TYRP1: variants seen among roughly 807,000 people sequenced by gnomAD.
The protein encoded by TYRP1 is 5,6-dihydroxyindole-2-carboxylic acid oxidase.
TYRP1 carries 49 observed loss-of-function variants against 42.8 expected under a neutral mutation model. That is an observed-to-expected ratio of 1.14 (90% confidence interval 0.91 to 1.45). The LOEUF is 1.45. Ranked by LOEUF, TYRP1 falls within the 40% of genes most tolerant of loss-of-function variation. The probability of loss-of-function intolerance (pLI) is 0.00; values close to 1 mark genes in which losing one functional copy is unlikely to be tolerated. For synonymous variants in TYRP1, 279 were observed against 235.4 expected (o/e 1.19, Z -1.69); for missense variants, 848 against 662.0 (o/e 1.28, Z -3.08).
chr9:12,703,857 C>T (rs1224507061), intron 5 of TYRP1, among the ~76,000 whole-genome samples: 1 of 149,176 alleles, frequency 6.7e-6, no homozygotes, highest in Non-Finnish European at 1.5e-5. Flanking sequence ...CTTGTTTTCT[C>T]CCTTATATAT....
intron 2 of TYRP1, chr9:12,694,583 T>C: frequency 1.6e-6 from 1 of 643,778 alleles, no homozygotes; most frequent in Middle Eastern, 4.3e-4. Context: ...GAACTTCTGA[T>C]CAATATTTTA....
At chr9:12,699,080 GCAAAC>G (rs1818124765) in intron 4 of TYRP1, among the ~76,000 whole-genome samples, 1 of 152,054 alleles carries the variant, frequency 6.6e-6, no homozygotes, top group South Asian at 2.1e-4. Context: ...AAGAAAAGAA[GCAAAC>G]CAAATGTATG....
chr9:12,706,123 T>TTTTA (rs563245264), intron 6 of TYRP1, among the ~76,000 whole-genome samples: 128 of 152,202 alleles, frequency 8.4e-4, no homozygotes, highest in Non-Finnish European at 1.5e-3. Context: ...ACTAGATTAC[T>TTTTA]TTTATTACAG....
chr9:12,709,031 T>C lies in TYRP1; in HGVS notation c.1463T>C (p.Leu488Ser). The C allele has an allele frequency of 6.2e-7, 1 of 1,612,862 alleles. No homozygotes were observed. The highest frequency in any genetic ancestry group is 1.1e-5 in the South Asian group (1 of 91,062). Residue 488 changes from leucine (L) to serine (S), a missense_variant, in exon 8 of 8, where the codon TTA becomes TCA. Transcript: ENST00000388918. The part of the protein sequence containing the change: ...IIAIAVVGAL[L>S]LVALIFGTAS... The stretch of plus-strand genomic sequence containing the variant: ...GCCATAGCAGTAGTTGGCGCTTTGT[T>C]ACTGGTTGCACTCATTTTTGGGACT...
At chr9:12,700,728 G>A (rs1414517962) in intron 4 of TYRP1, 2 of 152,020 alleles carry the variant, frequency 1.3e-5, no homozygotes, top group Non-Finnish European at 2.9e-5. Context: ...AGAATGTAAT[G>A]TTTTGAAACT....
intron 2 of TYRP1, 50 bp from the exon 3 acceptor site, chr9:12,695,465 C>A: frequency 6.4e-7 from 1 of 1,551,702 alleles, no homozygotes; most frequent in South Asian, 1.1e-5. Flanking sequence ...CTTTCTCTAC[C>A]CATCCCCGCA....
intron 4 of TYRP1, among the ~76,000 whole-genome samples, chr9:12,701,443 T>C (rs966050052): frequency 6.6e-6 from 1 of 151,986 alleles, no homozygotes; most frequent in Non-Finnish European, 1.5e-5. Context: ...CAAAGTTTTT[T>C]TTTGTTACAG....
At chr9:12,707,851 G>A in intron 6 of TYRP1, 146 bp from the exon 7 acceptor site, 2 of 734,868 alleles carry the variant, frequency 2.7e-6, no homozygotes, top group South Asian at 4.2e-5. Context: ...TCCTGCTGTA[G>A]TGAAACTTCA....
rs74941076 is a variant in TYRP1, at chr9:12,709,691, C to G, written c.*509C>G. ...TATAAACCAATGAAATTTTGATTAA[C>G]CTTTTCAAATTAATGTTCCAGTTTG... On this transcript the variant is annotated 3_prime_UTR_variant, in exon 8 of 8. Coordinates refer to ENST00000388918, the MANE Select transcript of TYRP1 (RefSeq NM_000550.3). 1 of 161,144 alleles carries G rather than the reference C, an allele frequency of 6.2e-6. No individual in the cohort carries two copies. The highest frequency in any genetic ancestry group is 1.4e-5 in the Non-Finnish European group (1 of 72,908). 10.0% of individuals were successfully genotyped at this position (161,144 alleles called of 1,614,324 possible).
chr9:12,693,866 T>C, intron 1 of TYRP1, 46 bp from the exon 2 acceptor site: 23 of 1,295,844 alleles, frequency 1.8e-5, no homozygotes, highest in Non-Finnish European at 2.5e-5. Flanking sequence ...CCATTTTAAG[T>C]ACCAAGAAAA....
chr9:12,696,723 T>A (rs936337051), intron 3 of TYRP1, among the ~76,000 whole-genome samples: 3 of 152,184 alleles, frequency 2.0e-5, no homozygotes, highest in African/African-American at 7.2e-5. Context: ...TACCAACTGC[T>A]CTGTTCCTTG....
Position 12,694,207 on chromosome 9 carries a change from G to A in TYRP1, c.211G>A (p.Asp71Asn), listed in dbSNP as rs773711130. 29 of 1,613,794 alleles carry A rather than the reference G, an allele frequency of 1.8e-5. No individual in the cohort carries two copies. Among genetic ancestry groups the A allele is most frequent in the Non-Finnish European group, 2.1e-5 (25 of 1,179,944 alleles). ...GGGCAGATGTGAGGCAGTGACTGCA[G>A]ACTCCCGGCCCCACAGCCCTCAGTA... ...GRGRCEAVTA[D>N]SRPHSPQYPH... The change falls in exon 2 of 8, where the codon GAC (aspartate) becomes AAC (asparagine). Residue 71 changes from aspartate to asparagine, a missense_variant. By Grantham distance (23) the Asp-to-Asn change is conservative. Transcript: ENST00000388918.
At chr9:12,705,451 G>A (rs1818242770) in intron 6 of TYRP1, among the ~76,000 whole-genome samples, 2 of 151,938 alleles carry the variant, frequency 1.3e-5, no homozygotes, top group South Asian at 4.1e-4. Context: ...TATCCATTAG[G>A]CATGCTTTCA....
At chr9:12,707,752 T>C (rs796560480) in intron 6 of TYRP1, 3 of 417,076 alleles carry the variant, frequency 7.2e-6, no homozygotes, top group African/African-American at 6.2e-5. Context: ...GATGAAATAC[T>C]AAAACTCCCC....
intron 6 of TYRP1, 97 bp from the exon 7 acceptor site, chr9:12,707,900 A>G: frequency 8.2e-7 from 1 of 1,224,726 alleles, no homozygotes; most frequent in Non-Finnish European, 1.1e-6. Flanking sequence ...AAATTTTTTC[A>G]GGTTCTCCTT....
chr9:12,709,002 A>C lies in TYRP1; in HGVS notation c.1434A>C (p.Ile478=). The C allele has an allele frequency of 6.2e-7, 1 of 1,612,570 alleles. No homozygotes were observed. Among genetic ancestry groups the C allele is most frequent in the African/African-American group, 1.3e-5 (1 of 74,934 alleles). ...WPSREFSVPE[I]IAIAVVGALL... ...GTCGGGAGTTTAGTGTACCTGAGAT[A>C]ATTGCCATAGCAGTAGTTGGCGCTT... Residue 478 remains isoleucine, a synonymous_variant, in exon 8 of 8, where the codon ATA becomes ATC. Transcript: ENST00000388918.
At chr9:12,695,876 A>G (rs368392803) in intron 3 of TYRP1, 39 bp downstream of exon 3, 99 of 1,593,698 alleles carry the variant, frequency 6.2e-5, no homozygotes, top group Non-Finnish European at 8.2e-5. Context: ...CTCTTTACAG[A>G]CAAGATGCCT....
At chr9:12,702,033 T>A (rs1818177069) in intron 4 of TYRP1, among the ~76,000 whole-genome samples, 1 of 152,010 alleles carries the variant, frequency 6.6e-6, no homozygotes, top group Admixed American at 6.6e-5. Flanking sequence ...TCTGTTAGTG[T>A]GATTCTTTTT....
At chr9:12,706,956 A>G (rs1333658704) in intron 6 of TYRP1, among the ~76,000 whole-genome samples, 1 of 151,936 alleles carries the variant, frequency 6.6e-6, no homozygotes, top group Non-Finnish European at 1.5e-5. Context: ...CACTTTACAG[A>G]TAAAGAAAAG....
Sources: gnomAD v4.1 joint callset for allele counts (sites outside exome capture counted in the v4.1 genomes callset) on GRCh38, gnomAD v4.1.1 for gene constraint, MANE v1.5 for transcripts, NCBI Gene and HGNC (gene_info 2026-07-23, HGNC 2026-07-21) for gene names.